The following ETNK1 variants were observed in gnomAD, a reference collection of about 807,000 sequenced individuals.
The protein encoded by ETNK1 is putative protein product of Nbla10396.
Under a neutral mutation model 45.1 loss-of-function variants are expected in ETNK1, and 8 were observed. The ratio of observed to expected loss-of-function variants is 0.18; its 90% confidence interval spans 0.10 to 0.32. The LOEUF (loss-of-function observed/expected upper bound fraction) is 0.32, where lower values mean the gene tolerates loss of function less well. Ranked by LOEUF, ETNK1 falls within the 10% of genes least tolerant of loss-of-function variation. The probability of loss-of-function intolerance (pLI) is 1.00; values close to 1 mark genes in which losing one functional copy is unlikely to be tolerated. For missense variants in ETNK1, 302 were observed against 430.6 expected (o/e 0.70, Z 2.64); for synonymous variants, 152 against 151.9 (o/e 1.00, Z -0.01).
chr12:22,668,150 T>A lies in ETNK1; in HGVS notation c.701-3122T>A, dbSNP rs533212743. ...ATCTGAAAAATTGAGAATCTCTTCC[T>A]AAGAAAGTGCACATACACATAAAAT... On this transcript the variant is annotated intron_variant, in intron 4 of 7. Transcript: ENST00000266517. Among the ~76,000 whole-genome samples the A allele has an allele frequency of 4.3e-3, 648 of 152,280 alleles. 10 individuals are homozygous for A. The highest frequency in any genetic ancestry group is 0.015 in the African/African-American group (606 of 41,576).
At chr12:22,661,432 T>G (rs1953998379) in intron 4 of ETNK1, among the ~76,000 whole-genome samples, 1 of 152,134 alleles carries the variant, frequency 6.6e-6, no homozygotes, top group Non-Finnish European at 1.5e-5. Flanking sequence ...TTAGAAACAG[T>G]TTGTGATTTC....
intron 4 of ETNK1, among the ~76,000 whole-genome samples, chr12:22,668,869 A>G (rs1167437760): frequency 6.6e-6 from 1 of 152,212 alleles, no homozygotes; most frequent in Non-Finnish European, 1.5e-5. Flanking sequence ...AACTTTTGTT[A>G]AAATGTGCTA....
intron 1 of ETNK1, among the ~76,000 whole-genome samples, chr12:22,630,227 C>G (rs1375492336): frequency 6.6e-6 from 1 of 152,196 alleles, no homozygotes; most frequent in Non-Finnish European, 1.5e-5. Flanking sequence ...CCTACAATTA[C>G]GCATCGCATG....
chr12:22,682,123 A>G (rs1239875090), intron 6 of ETNK1, among the ~76,000 whole-genome samples: 3 of 152,142 alleles, frequency 2.0e-5, no homozygotes, highest in African/African-American at 7.2e-5. Context: ...ATTGAGTTGT[A>G]TAGATCTTCC....
In ETNK1 at chr12:22,686,130, A is replaced by T. The variant is rs1954258631; in HGVS notation, c.*1176A>T. The T allele has an allele frequency of 6.6e-6, 1 of 152,342 alleles. No homozygotes were observed. Among genetic ancestry groups the T allele is most frequent in the African/African-American group, 2.4e-5 (1 of 41,420 alleles). 9.4% of individuals were successfully genotyped at this position (152,342 alleles called of 1,614,324 possible). On this transcript the variant is annotated 3_prime_UTR_variant, in exon 8 of 8. Coordinates refer to ENST00000266517, the MANE Select transcript of ETNK1 (RefSeq NM_018638.5). ...TCTGACAAATGACAAAATGTGAATT[A>T]AGCATAAATAGTCATGGCAGGAGGG...
At chr12:22,663,765 C>T (rs1954029300) in intron 4 of ETNK1, among the ~76,000 whole-genome samples, 1 of 151,604 alleles carries the variant, frequency 6.6e-6, no homozygotes, top group South Asian at 2.1e-4. Flanking sequence ...TTAGAATTTG[C>T]CTTTTTTATT....
intron 4 of ETNK1, among the ~76,000 whole-genome samples, chr12:22,662,859 A>G (rs1954020270): frequency 6.6e-6 from 1 of 152,226 alleles, no homozygotes; most frequent in Non-Finnish European, 1.5e-5. Flanking sequence ...AAGCGGGACT[A>G]TTCAAATACA....
chr12:22,665,790 A>G (rs772534609), intron 4 of ETNK1, among the ~76,000 whole-genome samples: 3 of 152,112 alleles, frequency 2.0e-5, no homozygotes, highest in Non-Finnish European at 4.4e-5. Context: ...AAAATGAAAA[A>G]TGGTTACTAT....
chr12:22,674,936 A>T (rs1954145667), intron 6 of ETNK1, among the ~76,000 whole-genome samples: 1 of 152,220 alleles, frequency 6.6e-6, no homozygotes, highest in Non-Finnish European at 1.5e-5. Flanking sequence ...AGGTCAGTAG[A>T]TTGGAAGAAT....
chr12:22,645,029 C>A (rs1953790007), intron 2 of ETNK1, among the ~76,000 whole-genome samples: 1 of 151,658 alleles, frequency 6.6e-6, no homozygotes, highest in Admixed American at 6.6e-5. Context: ...CTGTTCAAAC[C>A]CTAGTTTTTA....
At chr12:22,673,769 T>C (rs968381846) in intron 6 of ETNK1, 109 bp downstream of exon 6, 7 of 1,111,810 alleles carry the variant, frequency 6.3e-6, no homozygotes, top group Non-Finnish European at 8.9e-6. Flanking sequence ...TGAATTTTTG[T>C]TCAAAATAAT....
In ETNK1 at chr12:22,689,181, G is replaced by A. The variant is rs1476449255; in HGVS notation, c.*4227G>A. ...TGAAAATCTTCATTTCTGGATTGCA[G>A]TTTGAAATGGAATGAAGACCTGAAT... On this transcript the variant is annotated 3_prime_UTR_variant, in exon 8 of 8. Transcript: ENST00000266517. 1 of 151,926 alleles carries A rather than the reference G, an allele frequency of 6.6e-6. No homozygotes were observed. The highest frequency in any genetic ancestry group is 1.5e-5 in the Non-Finnish European group (1 of 67,808). 9.4% of individuals were successfully genotyped at this position (151,926 alleles called of 1,614,324 possible). A position where few individuals can be genotyped will look rare whatever the true frequency, so the allele number is the denominator to read the frequency against.
At chr12:22,630,314 C>G (rs189169220) in intron 1 of ETNK1, among the ~76,000 whole-genome samples, 17 of 152,288 alleles carry the variant, frequency 1.1e-4, no homozygotes, top group Admixed American at 9.2e-4. Context: ...TCCTAAAATT[C>G]AGTAATTCTG....
intron 1 of ETNK1, among the ~76,000 whole-genome samples, chr12:22,637,898 GA>G (rs1207235356): frequency 2.0e-5 from 3 of 152,070 alleles, no homozygotes; most frequent in Non-Finnish European, 2.9e-5. Flanking sequence ...AAGGAAATAA[GA>G]AAGCTCAGTC....
Position 22,671,316 on chromosome 12 carries a change from C to A in ETNK1, c.745C>A (p.Leu249Met). ...IDYEYSGYNY[L>M]AYDIGNHFNE... ...TTATGAATATTCTGGATACAACTACCTGGCATATGATATTGGAAATCATTT... is the reference window on the plus strand; with the variant it reads ...TTATGAATATTCTGGATACAACTACATGGCATATGATATTGGAAATCATTT... Residue 249 changes from leucine (L) to methionine (M), a missense_variant, in exon 5 of 8, where the codon CTG becomes ATG. Physicochemically the swap from Leu to Met is conservative, Grantham distance 15 (BLOSUM62 2). This residue lies in a region of ETNK1 where 94 missense variants were observed against 152.9 expected (regional missense o/e 0.61). Transcript: ENST00000266517. The A allele has an allele frequency of 5.6e-6, 9 of 1,610,872 alleles. No individual in the cohort carries two copies. The highest frequency in any genetic ancestry group is 7.6e-6 in the Non-Finnish European group (9 of 1,177,524).
intron 2 of ETNK1, chr12:22,656,836 C>A: frequency 1.0e-6 from 1 of 972,478 alleles, no homozygotes; most frequent in Non-Finnish European, 1.2e-6. Flanking sequence ...GTGACGCCCT[C>A]CTAAATCATC....
intron 4 of ETNK1, among the ~76,000 whole-genome samples, chr12:22,667,590 C>T (rs1215141320): frequency 5.3e-5 from 8 of 152,146 alleles, no homozygotes; most frequent in South Asian, 2.1e-4. Flanking sequence ...TACTCCCTGT[C>T]TTTTTCTGTA....
At chr12:22,652,133 TTCACTTAG>T (rs1333528275) in intron 2 of ETNK1, among the ~76,000 whole-genome samples, 4 of 152,218 alleles carry the variant, frequency 2.6e-5, no homozygotes, top group African/African-American at 9.6e-5. Context: ...ACTGGCTTAT[TTCACTTAG>T]CATGAACACT....
chr12:22,648,867 C>T (rs1016240986), intron 2 of ETNK1, among the ~76,000 whole-genome samples: 14 of 152,224 alleles, frequency 9.2e-5, no homozygotes, highest in Non-Finnish European at 2.1e-4. Context: ...TGTTGCTCCA[C>T]ATCCTCACCA....
Sources: allele counts gnomAD v4.1 joint callset (sites outside exome capture counted in the v4.1 genomes callset), GRCh38; gene constraint gnomAD v4.1.1; regional missense constraint gnomAD v4.1.1; transcripts MANE v1.5; gene names NCBI Gene and HGNC (gene_info 2026-07-23, HGNC 2026-07-21).